CHADL: variants seen among roughly 807,000 people sequenced by gnomAD.
CHADL encodes the protein chondroadherin-like protein.
Under a neutral mutation model 52.1 loss-of-function variants are expected in CHADL, and 48 were observed. The ratio of observed to expected loss-of-function variants is 0.92; its 90% CI spans 0.73 to 1.17. The LOEUF (loss-of-function observed/expected upper bound fraction) is 1.17. Ranked by LOEUF, CHADL falls within the 50% of genes most tolerant of loss-of-function variation. The pLI is 0.00. For synonymous variants in CHADL, 498 were observed against 511.2 expected (o/e 0.97, Z 0.35); for missense variants, 977 against 1,035.1 (o/e 0.94, Z 0.77).
chr22:41,239,363 G>A (rs2032819998), intron 2 of CHADL, 80 bp downstream of exon 2: 1 of 1,337,166 alleles, frequency 7.5e-7, no homozygotes, highest in Non-Finnish European at 1.0e-6. Context: ...CAGATCAACT[G>A]GTGCCCAGCC....
intron 4 of CHADL, 145 bp downstream of exon 4, chr22:41,236,339 T>G (rs2032738888): frequency 1.5e-6 from 1 of 677,514 alleles, no homozygotes. Flanking sequence ...GGAAAGGGCT[T>G]ATACATGCCT....
At position 41,229,692 on chromosome 22, in the gene CHADL, C is replaced by T. The variant is rs771150317; in HGVS notation, c.*12G>A. ...CCGGGCTGGGTCAAGGCAGGACCAG[C>T]CTGCTCCGTGCTCAGAGACGACCCT... On this transcript the variant is annotated 3_prime_UTR_variant, in exon 6 of 6. Coordinates refer to ENST00000216241, the MANE Select transcript of CHADL (RefSeq NM_138481.2). 32 of 1,612,678 alleles carry T rather than the reference C, an allele frequency of 2.0e-5. No individual in the cohort carries two copies. In the South Asian group the frequency reaches 2.9e-4, roughly 14 times the overall value.
At chr22:41,230,580 G>A (rs763579943) in intron 5 of CHADL, 6 of 344,922 alleles carry the variant, frequency 1.7e-5, no homozygotes, top group Admixed American at 4.6e-5. Flanking sequence ...GACCCGCCAC[G>A]GCCCTCAGTT....
intron 5 of CHADL, among the ~76,000 whole-genome samples, chr22:41,234,906 G>A (rs1342834514): frequency 2.6e-5 from 4 of 152,086 alleles, no homozygotes; most frequent in African/African-American, 9.7e-5. Flanking sequence ...GGCCAAGATG[G>A]TCTTGACCTC....
chr22:41,237,171 C>T lies in CHADL; in HGVS notation c.1896+5G>A. 1 of 1,532,600 alleles carries T rather than the reference C, an allele frequency of 6.5e-7. No individual in the cohort carries two copies. Among genetic ancestry groups the T allele is most frequent in the Non-Finnish European group, 8.8e-7 (1 of 1,135,096 alleles). 94.9% of individuals were successfully genotyped at this position (1,532,600 alleles called of 1,614,324 possible). A position where few individuals can be genotyped will look rare whatever the true frequency, so the allele number is the denominator to read the frequency against. On this transcript the variant is annotated splice_donor_5th_base_variant and intron_variant, in intron 3 of 5. Coordinates refer to ENST00000216241, the MANE Select transcript of CHADL (RefSeq NM_138481.2). The stretch of plus-strand genomic sequence containing the variant: ...CACCAACCCCGCCAGATGCCCAGTG[C>T]CCACCTGCTCCAGGCCACTGCTGTT...
At chr22:41,235,119 C>A in intron 5 of CHADL, 26 bp downstream of exon 5, 1 of 1,549,236 alleles carries the variant, frequency 6.5e-7, no homozygotes, top group Non-Finnish European at 8.7e-7. Context: ...CCACCAAGGT[C>A]TCACCCCTCC....
At chr22:41,233,046 A>AT (rs2032658757) in intron 5 of CHADL, among the ~76,000 whole-genome samples, 1 of 152,152 alleles carries the variant, frequency 6.6e-6, no homozygotes, top group African/African-American at 2.4e-5. Context: ...AAAAGGCTGG[A>AT]TCCCTAACCC....
chr22:41,236,362 A>G, intron 4 of CHADL, 122 bp downstream of exon 4: 1 of 846,874 alleles, frequency 1.2e-6, no homozygotes, highest in Non-Finnish European at 1.9e-6. Context: ...CTCTCACAGG[A>G]CCCGCCCCTC....
rs748885299 is a variant in CHADL, at chr22:41,238,991, T to A, written c.187-106A>T. ...CTTTTCTCCTGTCACCTTTCCCATA[T>A]TTCTCTTCATCCGACCCCTGACACC... is the stretch of plus-strand genomic sequence containing the variant. On this transcript the variant is annotated intron_variant, in intron 2 of 5. Transcript: ENST00000216241. This position sits in a 1 kb window ranked among gnomAD's most constrained non-coding sequence, Gnocchi z 4.9. The A allele has an allele frequency of 1.4e-4, 199 of 1,390,842 alleles. No individual in the cohort carries two copies. Among genetic ancestry groups the A allele is most frequent in the Middle Eastern group, 1.9e-4 (1 of 5,360 alleles). The allele number at this position is 1,390,842 out of a possible 1,614,324, so 86.2% of individuals were successfully genotyped here.
At position 41,235,320 on chromosome 22, in the gene CHADL, C is replaced by A. The variant is rs184291323; in HGVS notation, c.2087G>T (p.Arg696Leu). The A allele has an allele frequency of 6.3e-5, 98 of 1,550,906 alleles. 1 individual carries two copies. Among genetic ancestry groups the A allele is most frequent in the African/African-American group, 6.8e-5 (5 of 73,174 alleles). ...AGGGGTGGCGCAGGTGGCCCCCACC[C>A]GCAGGTTCAGCCCAGTAAGCCACCT... ...LHRWLTGLNL[R>L]VGATCATPPN... Residue 696 changes from arginine (R) to leucine (L), a missense_variant, in exon 5 of 6, where the codon CGG becomes CTG. Arg to Leu is a moderately radical substitution (Grantham distance 102). Transcript: ENST00000216241.
At position 41,237,254 on chromosome 22, in the gene CHADL, CCT is replaced by C; in HGVS notation, c.1816_1817del (p.Arg606GlyfsTer4). 6.4e-7 allele frequency: 1 copy of C among 1,550,592 alleles called. No homozygotes were observed. Among genetic ancestry groups the C allele is most frequent in the Non-Finnish European group, 8.7e-7 (1 of 1,146,966 alleles). On this transcript the variant is annotated frameshift_variant, in exon 3 of 6. Coordinates refer to ENST00000216241, the MANE Select transcript of CHADL (RefSeq NM_138481.2). LOFTEE classifies it high-confidence loss of function. ...LELQLSGNPL[R>X]ALRDGAFQPV... ...GCTGGAAGGCTCCGTCACGCAAGGC[CCT>C]GAGTGGGTTGCCCGAGAGCTGCAGC...
Position 41,235,154 on chromosome 22 carries a change from T to G in CHADL, c.2253A>C (p.Gly751=). ...RRTPIKGRQC[G]ADKVGKEKGR... ...CTGCCCCATGGCCAACCTTATCTGCTCCACACTGTCTTCCTTTGATGGGGG... is the reference window on the plus strand; with the variant it reads ...CTGCCCCATGGCCAACCTTATCTGCGCCACACTGTCTTCCTTTGATGGGGG... Residue 751 remains glycine, a synonymous_variant, in exon 5 of 6, where the codon GGA becomes GGC. Coordinates refer to ENST00000216241, the MANE Select transcript of CHADL (RefSeq NM_138481.2). 1.3e-6 allele frequency: 2 copies of G among 1,551,332 alleles called. No homozygotes were observed. Among genetic ancestry groups the G allele is most frequent in the Non-Finnish European group, 1.7e-6 (2 of 1,146,990 alleles).
Position 41,238,037 on chromosome 22 carries a change from C to A in CHADL, c.1035G>T (p.Glu345Asp). ...ACQGPRRLRG[E>D]ALDALRPWDL... is the part of the protein sequence containing the mutation. Reference sequence around the variant, plus strand: ...CCCAGGGCCGCAGGGCGTCCAGAGCCTCGCCCCGCAGGCGCCGCGGCCCCT... The same window carrying A: ...CCCAGGGCCGCAGGGCGTCCAGAGCATCGCCCCGCAGGCGCCGCGGCCCCT... The change falls in exon 3 of 6, where the codon GAG becomes GAT. Residue 345 changes from glutamate to aspartate, a missense_variant. Coordinates refer to ENST00000216241, the MANE Select transcript of CHADL (RefSeq NM_138481.2). The surrounding 1 kb of genome is among the most constrained non-coding windows in gnomAD (Gnocchi z 4.9). 7.8e-7 allele frequency: 1 copy of A among 1,275,666 alleles called. No homozygotes were observed. The highest frequency in any genetic ancestry group is 9.8e-7 in the Non-Finnish European group (1 of 1,018,192). 79.0% of individuals were successfully genotyped at this position (1,275,666 alleles called of 1,614,324 possible).
In CHADL at chr22:41,238,363, G is replaced by A; in HGVS notation, c.709C>T (p.Leu237=). ...SQARGLARLE[L]GHNPLTYAGE... The stretch of plus-strand genomic sequence containing the variant: ...GCGTAGGTGAGCGGGTTGTGGCCCA[G>A]CTCCAGACGGGCCAGGCCGCGGGCC... Residue 237 remains leucine, a synonymous_variant, in exon 3 of 6, where the codon CTG becomes TTG. Coordinates refer to ENST00000216241, the MANE Select transcript of CHADL (RefSeq NM_138481.2). The surrounding 1 kb of genome is among the most constrained non-coding windows in gnomAD (Gnocchi z 4.9). 6.7e-7 allele frequency: 1 copy of A among 1,500,624 alleles called. No individual in the cohort carries two copies. Among genetic ancestry groups the A allele is most frequent in the South Asian group, 1.3e-5 (1 of 79,268 alleles). The allele number at this position is 1,500,624 out of a possible 1,614,324, so 93.0% of individuals were successfully genotyped here. A position where few individuals can be genotyped will look rare whatever the true frequency, so the allele number is the denominator to read the frequency against.
rs757297531 is a variant in CHADL, at chr22:41,238,898, A to G, written c.187-13T>C. On this transcript the variant is annotated splice_polypyrimidine_tract_variant and intron_variant, in intron 2 of 5. Coordinates refer to ENST00000216241, the MANE Select transcript of CHADL (RefSeq NM_138481.2). This position sits in a 1 kb window ranked among gnomAD's most constrained non-coding sequence, Gnocchi z 4.9. ...GCCGCTGGGTCAGCTGGGGACAGCG[A>G]GGAGAAAGTGGGGCTGAGCCAGGCA... is the stretch of plus-strand genomic sequence containing the variant. 23 of 1,521,970 alleles carry G rather than the reference A, an allele frequency of 1.5e-5. No individual in the cohort carries two copies. The highest frequency in any genetic ancestry group is 3.4e-4 in the Middle Eastern group (2 of 5,914). The allele number at this position is 1,521,970 out of a possible 1,614,324, so 94.3% of individuals were successfully genotyped here.
chr22:41,231,483 C>G (rs2032585962), intron 5 of CHADL, among the ~76,000 whole-genome samples: 1 of 152,244 alleles, frequency 6.6e-6, no homozygotes, highest in Admixed American at 6.5e-5. Context: ...GTGAGTTCCC[C>G]AGAGATGGAG....
intron 5 of CHADL, among the ~76,000 whole-genome samples, chr22:41,233,927 C>G (rs6002290): frequency 1.4e-4 from 21 of 152,350 alleles, no homozygotes; most frequent in African/African-American, 5.0e-4. Context: ...GCCTTACAGG[C>G]AGTGGTTCCT....
At position 41,235,175 on chromosome 22, in the gene CHADL, G is replaced by A; in HGVS notation, c.2232C>T (p.Pro744=). Reference sequence around the variant, plus strand: ...CTGCTCCACACTGTCTTCCTTTGATGGGGGTTCTCCTGGCACTGGGCCTGG... The same window carrying A: ...CTGCTCCACACTGTCTTCCTTTGATAGGGGTTCTCCTGGCACTGGGCCTGG... The part of the protein sequence containing the change: ...PASRPSARRT[P]IKGRQCGADK... Residue 744 remains proline (P), a synonymous_variant, in exon 5 of 6, where the codon CCC becomes CCT. Coordinates refer to ENST00000216241, the MANE Select transcript of CHADL (RefSeq NM_138481.2). 6.4e-7 allele frequency: 1 copy of A among 1,551,486 alleles called. No individual in the cohort carries two copies. Among genetic ancestry groups the A allele is most frequent in the African/African-American group, 1.4e-5 (1 of 73,182 alleles).
intron 3 of CHADL, among the ~76,000 whole-genome samples, chr22:41,236,898 G>T (rs1415226935): frequency 6.6e-6 from 1 of 152,216 alleles, no homozygotes; most frequent in East Asian, 1.9e-4. Context: ...CCTCTTGGGG[G>T]CTCTCAATAT....
Sources: gnomAD v4.1 joint callset for allele counts (sites outside exome capture counted in the v4.1 genomes callset) on GRCh38, gnomAD v4.1.1 for gene constraint, Gnocchi (gnomAD v3.1) non-coding constraint, MANE v1.5 for transcripts, NCBI Gene and HGNC (gene_info 2026-07-23, HGNC 2026-07-21) for gene names.